The following RSRC1 variants were observed in gnomAD, a reference collection of about 807,000 sequenced individuals.
RSRC1 encodes the protein arginine and serine rich coiled-coil 1, also known as serine/Arginine-related protein 53.
A neutral mutation model predicts 49.1 loss-of-function variants in RSRC1; 39 were observed. The observed-to-expected ratio is 0.79, with a 90% confidence interval of 0.61 to 1.04. The LOEUF is 1.04. RSRC1 is among the 50% of genes least tolerant of loss of function. The pLI, the probability that RSRC1 is intolerant of heterozygous loss-of-function variation, is 0.00. For missense variants in RSRC1, 388 were observed against 402.4 expected (o/e 0.96, Z 0.31); for synonymous variants, 143 against 130.8 (o/e 1.09, Z -0.63).
chr3:158,386,914 A>G (rs1314774019), intron 6 of RSRC1, among the ~76,000 whole-genome samples: 2 of 152,108 alleles, frequency 1.3e-5, no homozygotes, highest in African/African-American at 4.8e-5. Flanking sequence ...ACATGGAAAT[A>G]AAATGAATAT....
chr3:158,148,707 A>G (rs1329847921), intron 3 of RSRC1, among the ~76,000 whole-genome samples: 1 of 151,224 alleles, frequency 6.6e-6, no homozygotes, highest in Non-Finnish European at 1.5e-5. Flanking sequence ...AATAAAAAAT[A>G]AAAAAAGACG....
intron 3 of RSRC1, among the ~76,000 whole-genome samples, chr3:158,182,160 G>C (rs1009324688): frequency 1.3e-5 from 2 of 152,124 alleles, no homozygotes; most frequent in African/African-American, 4.8e-5. Context: ...ATTTAGCAAA[G>C]ATATGAAGGA....
At chr3:158,448,490 C>T (rs539903867) in intron 6 of RSRC1, among the ~76,000 whole-genome samples, 4 of 151,888 alleles carry the variant, frequency 2.6e-5, no homozygotes, top group Admixed American at 1.3e-4. Context: ...GCTGTAAGAC[C>T]TTACGCATTT....
chr3:158,228,429 A>G (rs961274898), intron 4 of RSRC1, among the ~76,000 whole-genome samples: 3 of 112,088 alleles, frequency 2.7e-5, no homozygotes, highest in Non-Finnish European at 5.9e-5. Context: ...TGTTTATATA[A>G]GGTAGTAAAC....
intron 4 of RSRC1, among the ~76,000 whole-genome samples, chr3:158,254,132 A>G (rs1724394956): frequency 6.6e-6 from 1 of 152,166 alleles, no homozygotes; most frequent in African/African-American, 2.4e-5. Context: ...TCCATGGTGT[A>G]TATGTGCCAC....
chr3:158,125,228 AT>A (rs1201664439), intron 3 of RSRC1, among the ~76,000 whole-genome samples: 1 of 149,292 alleles, frequency 6.7e-6, no homozygotes, highest in African/African-American at 2.5e-5. Flanking sequence ...TATTTTATTT[AT>A]TTTTTTCTCT....
chr3:158,393,489 C>G (rs1733436291), intron 6 of RSRC1, among the ~76,000 whole-genome samples: 1 of 151,618 alleles, frequency 6.6e-6, no homozygotes, highest in African/African-American at 2.4e-5. Flanking sequence ...GACATTACTA[C>G]CAACCCCACA....
At position 158,275,807 on chromosome 3, in the gene RSRC1, TA is replaced by T. The variant is rs1422757216; in HGVS notation, c.495-22231del. 6.2e-6 allele frequency: 3 copies of T among 484,420 alleles called. No individual in the cohort carries two copies. The East Asian group carries it at 1.5e-4, about 24-fold the overall frequency. 30.0% of individuals were successfully genotyped at this position (484,420 alleles called of 1,614,324 possible). ...GTATGAATTTTACAAACTTTACCTATATTAGTGATAACAGTGGAGCTGGAGA... is the reference window on the plus strand; with the variant it reads ...GTATGAATTTTACAAACTTTACCTATTTAGTGATAACAGTGGAGCTGGAGA... On this transcript the variant is annotated intron_variant, in intron 4 of 9. Transcript: ENST00000611884.
chr3:158,475,553 A>G (rs1242199964), intron 7 of RSRC1, among the ~76,000 whole-genome samples: 2 of 152,132 alleles, frequency 1.3e-5, no homozygotes, highest in Admixed American at 6.6e-5. Context: ...TAATTCTCAC[A>G]ATATTTTAAA....
chr3:158,367,303 A>G (rs1304739361), intron 6 of RSRC1, among the ~76,000 whole-genome samples: 1 of 152,200 alleles, frequency 6.6e-6, no homozygotes, highest in Non-Finnish European at 1.5e-5. Context: ...ATTTTGAGAT[A>G]CATTCCATCA....
intron 7 of RSRC1, among the ~76,000 whole-genome samples, chr3:158,466,616 G>T (rs1237597944): frequency 6.6e-6 from 1 of 152,172 alleles, no homozygotes; most frequent in Non-Finnish European, 1.5e-5. Flanking sequence ...GCTTCCTTTG[G>T]CTGAAGTAAC....
chr3:158,285,674 C>T (rs544576837), intron 4 of RSRC1, among the ~76,000 whole-genome samples: 2 of 152,022 alleles, frequency 1.3e-5, no homozygotes, highest in Non-Finnish European at 2.9e-5. Flanking sequence ...GGAGTTCACT[C>T]ATGATTTGGC....
chr3:158,214,393 A>T (rs1191198938), intron 4 of RSRC1, among the ~76,000 whole-genome samples: 1 of 151,640 alleles, frequency 6.6e-6, no homozygotes, highest in Non-Finnish European at 1.5e-5. Flanking sequence ...TTTGGGGTTC[A>T]TTGATATCTT....
intron 7 of RSRC1, among the ~76,000 whole-genome samples, chr3:158,523,003 T>C (rs1023199657): frequency 7.9e-5 from 12 of 152,112 alleles, no homozygotes; most frequent in Admixed American, 5.9e-4. Context: ...TAAAGTAACA[T>C]GAACATGACT....
chr3:158,242,032 C>CTTTTTTTT (rs34356543), intron 4 of RSRC1, among the ~76,000 whole-genome samples: 10 of 66,616 alleles, frequency 1.5e-4, no homozygotes, highest in Non-Finnish European at 1.5e-4. Context: ...AATTTCCAAC[C>CTTTTTTTT]TTTTTTTTTT....
chr3:158,423,506 A>G (rs143876618), intron 6 of RSRC1, among the ~76,000 whole-genome samples: 11,171 of 152,234 alleles, frequency 0.073, 477 homozygotes, highest in South Asian at 0.13. Flanking sequence ...GAAGTCAGGT[A>G]GTGTGGATGC....
In RSRC1 at chr3:158,454,992, C is replaced by T. The variant is rs561848837; in HGVS notation, c.584-5943C>T. ...TACCTGTTGTCAAACACTGCCTGCA[C>T]CCCTACTTATCACATACAAGGGAGG... On this transcript the variant is annotated intron_variant, in intron 6 of 9. Coordinates refer to ENST00000611884, the MANE Select transcript of RSRC1 (RefSeq NM_001271838.2). Among the ~76,000 whole-genome samples, 4 of 152,224 alleles carry T rather than the reference C, an allele frequency of 2.6e-5. No individual in the cohort carries two copies. The South Asian group carries it at 8.3e-4, about 32-fold the overall frequency.
chr3:158,512,530 G>C (rs1234612934), intron 7 of RSRC1, among the ~76,000 whole-genome samples: 6 of 152,232 alleles, frequency 3.9e-5, no homozygotes, highest in Admixed American at 3.9e-4. Context: ...TTATAGTATA[G>C]TTTGAAGTCA....
chr3:158,175,332 A>G (rs1460168740), intron 3 of RSRC1, among the ~76,000 whole-genome samples: 1 of 152,124 alleles, frequency 6.6e-6, no homozygotes, highest in African/African-American at 2.4e-5. Flanking sequence ...TTAATGTAGC[A>G]GCCTTTCCTT....
Sources: gnomAD v4.1 joint callset for allele counts (sites outside exome capture counted in the v4.1 genomes callset) on GRCh38, gnomAD v4.1.1 for gene constraint, MANE v1.5 for transcripts, NCBI Gene and HGNC (gene_info 2026-07-23, HGNC 2026-07-21) for gene names.